Variants in SUPT3H observed in about 807,000 individuals in gnomAD.
The protein encoded by SUPT3H is transcription initiation protein SPT3 homolog.
Under a neutral mutation model 44.3 loss-of-function variants are expected in SUPT3H, and 44 were observed. The observed-to-expected ratio is 0.99, with a 90% confidence interval of 0.78 to 1.28. The LOEUF (loss-of-function observed/expected upper bound fraction) is 1.28. Among genes scored for constraint, SUPT3H ranks in the 50% most tolerant of loss-of-function variants. The pLI, the probability that SUPT3H is intolerant of heterozygous loss-of-function variation, is 0.00. For missense variants in SUPT3H, 380 were observed against 387.1 expected (o/e 0.98, Z 0.15); for synonymous variants, 124 against 125.6 (o/e 0.99, Z 0.09).
At chr6:45,154,087 A>AAAAAAAAC (rs70996303) in intron 2 of SUPT3H, among the ~76,000 whole-genome samples, 5 of 114,620 alleles carry the variant, frequency 4.4e-5, no homozygotes, top group East Asian at 2.6e-4. Context: ...AAAAAAAAAA[A>AAAAAAAAC]AGCGCTTAGT....
intron 5 of SUPT3H, among the ~76,000 whole-genome samples, chr6:45,005,077 G>T (rs538793069): frequency 6.6e-6 from 1 of 152,230 alleles, no homozygotes; most frequent in Non-Finnish European, 1.5e-5. Context: ...GAGTTAAAAG[G>T]TACAAACATT....
intron 10 of SUPT3H, among the ~76,000 whole-genome samples, chr6:44,867,068 C>T (rs1297625844): frequency 6.6e-6 from 1 of 152,038 alleles, no homozygotes; most frequent in African/African-American, 2.4e-5. Flanking sequence ...GGATTAAAAA[C>T]AGCCACTATG....
chr6:44,826,954 G>T lies in SUPT3H; in HGVS notation c.*2862C>A, dbSNP rs1581843505. ...TGAAACAGTATTTTTGAATCACAACGATTACAATCTAAGAAGGCAGGAAAG... is the reference window on the plus strand; with the variant it reads ...TGAAACAGTATTTTTGAATCACAACTATTACAATCTAAGAAGGCAGGAAAG... On this transcript the variant is annotated 3_prime_UTR_variant, in exon 11 of 11. Coordinates refer to ENST00000371459, the MANE Select transcript of SUPT3H (RefSeq NM_003599.4). 6.6e-6 allele frequency among the ~76,000 whole-genome samples: 1 copy of T among 152,104 alleles called. No individual in the cohort carries two copies. Among genetic ancestry groups the T allele is most frequent in the African/African-American group, 2.4e-5 (1 of 41,436 alleles).
chr6:45,064,949 A>G lies in SUPT3H; in HGVS notation c.186+40973T>C, dbSNP rs911995081. 3.3e-4 allele frequency among the ~76,000 whole-genome samples: 49 copies of G among 150,062 alleles called. No individual in the cohort carries two copies. In the South Asian group the frequency reaches 4.1e-3, roughly 12 times the overall value. The stretch of plus-strand genomic sequence containing the variant: ...ACCCAGGAATTGAACTCAGCTCTGC[A>G]CCAAGTGGACCTAATAGACATCTAC... On this transcript the variant is annotated intron_variant, in intron 3 of 10. Transcript: ENST00000371459.
chr6:44,994,381 A>AG (rs1781001247), intron 6 of SUPT3H, among the ~76,000 whole-genome samples: 1 of 152,180 alleles, frequency 6.6e-6, no homozygotes, highest in Non-Finnish European at 1.5e-5. Context: ...AGAGAGTTGA[A>AG]CAGAGCGCCA....
At chr6:45,011,325 T>C (rs1301649888) in intron 5 of SUPT3H, among the ~76,000 whole-genome samples, 1 of 152,130 alleles carries the variant, frequency 6.6e-6, no homozygotes, top group Non-Finnish European at 1.5e-5. Context: ...TTTGTGGAAA[T>C]TTTTAAGCTA....
At position 44,829,801 on chromosome 6, in the gene SUPT3H, A is replaced by G; in HGVS notation, c.*15T>C. On this transcript the variant is annotated 3_prime_UTR_variant, in exon 11 of 11. Coordinates refer to ENST00000371459, the MANE Select transcript of SUPT3H (RefSeq NM_003599.4). Reference sequence around the variant, plus strand: ...TTGCCTTTCCTGTTGTTGCAGGCACATCACAGTTGTCACATCAGCAGGCTA... The same window carrying G: ...TTGCCTTTCCTGTTGTTGCAGGCACGTCACAGTTGTCACATCAGCAGGCTA... 2.5e-6 allele frequency: 4 copies of G among 1,612,172 alleles called. No individual in the cohort carries two copies. Among genetic ancestry groups the G allele is most frequent in the Non-Finnish European group, 3.4e-6 (4 of 1,178,902 alleles).
At chr6:44,907,202 T>C (rs1766247616) in intron 10 of SUPT3H, among the ~76,000 whole-genome samples, 1 of 152,224 alleles carries the variant, frequency 6.6e-6, no homozygotes, top group Non-Finnish European at 1.5e-5. Context: ...ATTAATGATG[T>C]TTATTTTCAC....
At chr6:45,288,345 CAG>C (rs1273352899) in intron 2 of SUPT3H, among the ~76,000 whole-genome samples, 3 of 151,790 alleles carry the variant, frequency 2.0e-5, no homozygotes, top group Non-Finnish European at 4.4e-5. Flanking sequence ...GAATCAGTAA[CAG>C]TGGTTTCCTG....
intron 2 of SUPT3H, among the ~76,000 whole-genome samples, chr6:45,214,629 T>G (rs1269889103): frequency 6.6e-6 from 1 of 152,192 alleles, no homozygotes; most frequent in African/African-American, 2.4e-5. Context: ...GGAGGATCAC[T>G]TGAGGCCAAG....
rs767956208 is a variant in SUPT3H, at chr6:44,815,470, A to AAAG, written c.*53-5972_*53-5970dup. Among the ~76,000 whole-genome samples, 21 of 152,312 alleles carry AAAG rather than the reference A, an allele frequency of 1.4e-4. No individual in the cohort carries two copies. In the East Asian group the frequency reaches 3.9e-3, roughly 28 times the overall value. ...ATCAGTGAAAAAGATACTTTAAATA[A>AAAG]AAGTAAAGGATGAAAAAATATGTAT... On this transcript the variant is annotated intron_variant and NMD_transcript_variant, in intron 11 of 11. Transcript: ENST00000475057.
At position 44,828,924 on chromosome 6, in the gene SUPT3H, G is replaced by A. The variant is rs1157037332; in HGVS notation, c.*892C>T. 5 of 152,572 alleles carry A rather than the reference G, an allele frequency of 3.3e-5. No homozygotes were observed. Among genetic ancestry groups the A allele is most frequent in the East Asian group, 1.9e-4 (1 of 5,196 alleles). 9.5% of individuals were successfully genotyped at this position (152,572 alleles called of 1,614,324 possible). A position where few individuals can be genotyped will look rare whatever the true frequency, so the allele number is the denominator to read the frequency against. ...TTTTGGTTTGTTCCAAAGAGTTACG[G>A]TTCCTCATTTACTGGAGAAAGTATA... On this transcript the variant is annotated 3_prime_UTR_variant, in exon 11 of 11. Transcript: ENST00000371459.
intron 4 of SUPT3H, among the ~76,000 whole-genome samples, chr6:45,015,225 A>G (rs72867443): frequency 1.4e-4 from 21 of 152,268 alleles, no homozygotes; most frequent in South Asian, 4.1e-4. Context: ...ACAAACCTAG[A>G]TGGAACAGTC....
At chr6:45,008,297 C>A (rs1782994496) in intron 5 of SUPT3H, among the ~76,000 whole-genome samples, 1 of 152,136 alleles carries the variant, frequency 6.6e-6, no homozygotes, top group African/African-American at 2.4e-5. Flanking sequence ...TATACTCTAA[C>A]AACTTAAGAA....
intron 2 of SUPT3H, among the ~76,000 whole-genome samples, chr6:45,354,326 A>G (rs1233005077): frequency 1.3e-5 from 2 of 152,186 alleles, no homozygotes; most frequent in Non-Finnish European, 2.9e-5. Context: ...TTCACAATAT[A>G]GCAGGTGAAA....
At chr6:45,209,045 T>TA (rs1182596070) in intron 2 of SUPT3H, among the ~76,000 whole-genome samples, 1 of 152,196 alleles carries the variant, frequency 6.6e-6, no homozygotes, top group East Asian at 1.9e-4. Flanking sequence ...CATATCTACT[T>TA]ACAGCATGGT....
At chr6:45,060,921 T>C (rs1791903211) in intron 3 of SUPT3H, among the ~76,000 whole-genome samples, 1 of 152,142 alleles carries the variant, frequency 6.6e-6, no homozygotes, top group South Asian at 2.1e-4. Flanking sequence ...CCAGTCAGAA[T>C]GGTGATTATT....
chr6:45,021,552 C>CCAAAT lies in SUPT3H; in HGVS notation c.187-921_187-920insATTTG, dbSNP rs1256291941. Among the ~76,000 whole-genome samples, 5 of 151,822 alleles carry CCAAAT rather than the reference C, an allele frequency of 3.3e-5. No individual in the cohort carries two copies. The East Asian group carries it at 9.6e-4, about 29-fold the overall frequency. ...ATTTGATCAAATCTTACGGATTGCA[C>CCAAAT]CAAACCAAGTCTATCCAATATGAAA... On this transcript the variant is annotated intron_variant, in intron 3 of 10. Coordinates refer to ENST00000371459, the MANE Select transcript of SUPT3H (RefSeq NM_003599.4).
intron 5 of SUPT3H, among the ~76,000 whole-genome samples, chr6:45,006,515 T>C (rs188916379): frequency 6.6e-6 from 1 of 152,224 alleles, no homozygotes; most frequent in Admixed American, 6.5e-5. Context: ...CCTCGCTCTT[T>C]TCTGGTTGGA....
Sources: gnomAD v4.1 joint callset for allele counts (sites outside exome capture counted in the v4.1 genomes callset) on GRCh38, gnomAD v4.1.1 for gene constraint, MANE v1.5 for transcripts, NCBI Gene and HGNC (gene_info 2026-07-23, HGNC 2026-07-21) for gene names.